CCNC: variants seen among roughly 807,000 people sequenced by gnomAD.
CCNC encodes the protein cyclin-C.
A neutral mutation model predicts 50.0 loss-of-function variants in CCNC; 19 were observed. The observed-to-expected ratio is 0.38, with a 90% CI of 0.27 to 0.56. The LOEUF is 0.56. Ranked by LOEUF, CCNC falls within the 20% of genes least tolerant of loss-of-function variation. The pLI is 0.72. For missense variants in CCNC, 200 were observed against 327.1 expected (o/e 0.61, Z 3.00); for synonymous variants, 93 against 103.7 (o/e 0.90, Z 0.63).
intron 5 of CCNC, among the ~76,000 whole-genome samples, chr6:99,553,205 T>C (rs1011851177): frequency 5.3e-5 from 8 of 152,198 alleles, no homozygotes; most frequent in Admixed American, 1.3e-4. Flanking sequence ...TAATCTTTCC[T>C]TTCTTCTCTC....
intron 2 of CCNC, 33 bp from the exon 3 acceptor site, chr6:99,561,714 C>A: frequency 8.2e-7 from 1 of 1,216,148 alleles, no homozygotes; most frequent in East Asian, 2.3e-5. Flanking sequence ...TTAAATGTAT[C>A]TTCTGGTATC....
chr6:99,543,510 A>C lies in CCNC; in HGVS notation c.*45T>G, dbSNP rs770977593. The C allele has an allele frequency of 3.7e-6, 6 of 1,604,580 alleles. No individual in the cohort carries two copies. Among genetic ancestry groups the C allele is most frequent in the Non-Finnish European group, 5.1e-6 (6 of 1,172,108 alleles). On this transcript the variant is annotated 3_prime_UTR_variant, in exon 12 of 12. Transcript: ENST00000520429. Reference sequence around the variant, plus strand: ...TGAAGACATTACTGAAATCTGTCCAATGGTTTATTTCCAAGTGGTCCACTA... The same window carrying C: ...TGAAGACATTACTGAAATCTGTCCACTGGTTTATTTCCAAGTGGTCCACTA...
Position 99,545,178 on chromosome 6 carries a change from A to AAATTCTTCC in CCNC, c.722_730dup (p.Trp241_Asn243dup). On this transcript the variant is annotated inframe_insertion, in exon 11 of 12. Coordinates refer to ENST00000520429, the MANE Select transcript of CCNC (RefSeq NM_005190.4). ...GGTTGCCATCTCTTTTCTCTCATCGAAATTCTTCCACTGCTCATATAGTTT... is the reference window on the plus strand; with the variant it reads ...GGTTGCCATCTCTTTTCTCTCATCGAAATTCTTCCAATTCTTCCACTGCTCATATAGTTT... The AAATTCTTCC allele has an allele frequency of 6.2e-7, 1 of 1,610,766 alleles. No homozygotes were observed.
At position 99,561,710 on chromosome 6, in the gene CCNC, G is replaced by C. The variant is rs779853182; in HGVS notation, c.140-29C>G. 6 of 1,198,916 alleles carry C rather than the reference G, an allele frequency of 5.0e-6. No homozygotes were observed. In the Admixed American group the frequency reaches 5.2e-5, roughly 10 times the overall value. 74.3% of individuals were successfully genotyped at this position (1,198,916 alleles called of 1,614,324 possible). On this transcript the variant is annotated intron_variant, in intron 2 of 11. Coordinates refer to ENST00000520429, the MANE Select transcript of CCNC (RefSeq NM_005190.4). The stretch of plus-strand genomic sequence containing the variant: ...AAAGGCAAATAATGAAATTTTAAAT[G>C]TATCTTCTGGTATCATTATAATATT...
intron 5 of CCNC, chr6:99,557,804 A>AAG (rs1802596390): frequency 1.0e-5 from 1 of 97,396 alleles, no homozygotes; most frequent in African/African-American, 4.0e-5. Flanking sequence ...AAAAAAAAAA[A>AAG]AAAAGAAAGA....
chr6:99,545,393 AT>A (rs981123059), intron 10 of CCNC, among the ~76,000 whole-genome samples, 163 bp from the exon 11 acceptor site: 1 of 152,088 alleles, frequency 6.6e-6, no homozygotes, highest in African/African-American at 2.4e-5. Flanking sequence ...GCTGTTTAGG[AT>A]TTTCCTTCTA....
intron 1 of CCNC, among the ~76,000 whole-genome samples, chr6:99,564,629 G>A (rs138432508): frequency 6.1e-4 from 92 of 151,774 alleles, no homozygotes; most frequent in African/African-American, 2.0e-3. Context: ...TGGGATTACC[G>A]ATTTTTTTAA....
At chr6:99,558,251 T>C (rs905977098) in intron 5 of CCNC, 1 of 453,330 alleles carries the variant, frequency 2.2e-6, no homozygotes, top group Non-Finnish European at 3.7e-6. Context: ...AGCCACTGAG[T>C]TGATGTTTTT....
intron 11 of CCNC, chr6:99,544,132 TAAAATA>T: frequency 6.8e-7 from 1 of 1,467,756 alleles, no homozygotes; most frequent in South Asian, 1.4e-5. Context: ...GCTGAATACT[TAAAATA>T]AAAATGCTGA....
chr6:99,564,422 CAAAAAAA>C (rs11345511), intron 1 of CCNC, among the ~76,000 whole-genome samples: 14 of 97,146 alleles, frequency 1.4e-4, no homozygotes, highest in South Asian at 7.1e-4. Context: ...GAGACTCTGT[CAAAAAAA>C]AAAAAAAAAA....
At chr6:99,547,858 TGAG>T (rs1416710702) in intron 9 of CCNC, among the ~76,000 whole-genome samples, 1 of 151,880 alleles carries the variant, frequency 6.6e-6, no homozygotes, top group Non-Finnish European at 1.5e-5. Context: ...TGGATAGAAA[TGAG>T]AAGATGACTA....
At chr6:99,561,129 C>T (rs1278691371) in intron 4 of CCNC, among the ~76,000 whole-genome samples, 2 of 152,198 alleles carry the variant, frequency 1.3e-5, no homozygotes, top group Admixed American at 6.5e-5. Flanking sequence ...AATGGGAATA[C>T]TACTACTATG....
intron 9 of CCNC, among the ~76,000 whole-genome samples, chr6:99,548,128 A>G (rs987353828): frequency 6.6e-6 from 1 of 152,192 alleles, no homozygotes; most frequent in African/African-American, 2.4e-5. Context: ...AGATGGATAT[A>G]AAGAACTGCC....
chr6:99,543,763 C>T (rs1801962866), intron 11 of CCNC, 154 bp from the exon 12 acceptor site: 1 of 1,423,010 alleles, frequency 7.0e-7, no homozygotes. Context: ...AATTAAAATC[C>T]AGAAGACTAA....
At chr6:99,559,683 A>C (rs577982473) in intron 4 of CCNC, among the ~76,000 whole-genome samples, 1 of 152,038 alleles carries the variant, frequency 6.6e-6, no homozygotes, top group African/African-American at 2.4e-5. Flanking sequence ...GCTACGACCA[A>C]ATCTGAAAGA....
intron 1 of CCNC, 53 bp from the exon 2 acceptor site, chr6:99,563,001 TAAGATTGAACACA>T (rs1396611256): frequency 1.4e-5 from 15 of 1,102,476 alleles, no homozygotes; most frequent in Non-Finnish European, 1.6e-5. Flanking sequence ...GGAAACACTC[TAAGATTGAACACA>T]TTGTTCATAT....
intron 4 of CCNC, 142 bp from the exon 5 acceptor site, chr6:99,558,690 T>G: frequency 3.2e-6 from 2 of 634,788 alleles, no homozygotes; most frequent in Non-Finnish European, 5.1e-6. Flanking sequence ...CACTCCTAAA[T>G]GTACAGGCTG....
At chr6:99,568,664 GA>G, upstream of CCNC, 2 of 1,518,146 alleles carry the variant, frequency 1.3e-6, no homozygotes, top group Non-Finnish European at 1.8e-6. Context: ...CGGCGACGGC[GA>G]AAGGAAGAGG....
chr6:99,562,986 T>C (rs1409220266), intron 1 of CCNC, 38 bp from the exon 2 acceptor site: 2 of 1,307,524 alleles, frequency 1.5e-6, no homozygotes, highest in Non-Finnish European at 2.2e-6. Context: ...ACAAGCAAGG[T>C]CAGAGGAAAC....
Sources: gnomAD v4.1 joint callset for allele counts (sites outside exome capture counted in the v4.1 genomes callset) on GRCh38, gnomAD v4.1.1 for gene constraint, MANE v1.5 for transcripts, NCBI Gene and HGNC (gene_info 2026-07-23, HGNC 2026-07-21) for gene names.